USP30: variants seen among roughly 807,000 people sequenced by gnomAD.
USP30 encodes the protein ubiquitin carboxyl-terminal hydrolase 30.
USP30 carries 41 observed loss-of-function variants against 68.2 expected under a neutral mutation model. That is an observed-to-expected ratio of 0.60 (90% CI 0.47 to 0.78). The LOEUF is 0.78. Among genes scored for constraint, USP30 ranks in the 30% least tolerant of loss-of-function variants. USP30 has a pLI of 0.00. For missense variants in USP30, 522 were observed against 649.4 expected (o/e 0.80, Z 2.13); for synonymous variants, 229 against 253.7 (o/e 0.90, Z 0.93).
chr12:109,061,937 T>A (rs1038041275), intron 3 of USP30, among the ~76,000 whole-genome samples: 1 of 152,108 alleles, frequency 6.6e-6, no homozygotes, highest in Non-Finnish European at 1.5e-5. Context: ...TTTTGTTTTC[T>A]GTTTTGTTTT....
intron 3 of USP30, among the ~76,000 whole-genome samples, chr12:109,032,286 A>G (rs2040488476): frequency 6.6e-6 from 1 of 152,194 alleles, no homozygotes; most frequent in East Asian, 1.9e-4. Flanking sequence ...CCTGGGAGAT[A>G]GAATGATACT....
intron 3 of USP30, among the ~76,000 whole-genome samples, chr12:109,043,656 A>G (rs755053445): frequency 1.3e-5 from 2 of 152,228 alleles, no homozygotes; most frequent in Non-Finnish European, 2.9e-5. Context: ...CCTTTGTGAC[A>G]TTGGATTTGG....
intron 3 of USP30, chr12:109,059,882 T>TG (rs2041007954): frequency 6.6e-6 from 1 of 152,218 alleles, no homozygotes. Flanking sequence ...TGACATTCCA[T>TG]GGGTATTATA....
chr12:109,065,580 A>C (rs958100022), intron 3 of USP30, among the ~76,000 whole-genome samples: 1 of 152,158 alleles, frequency 6.6e-6, no homozygotes, highest in Non-Finnish European at 1.5e-5. Flanking sequence ...GAATTATAAC[A>C]TTTTCCATAC....
At chr12:109,047,323 C>T (rs897540885) in intron 3 of USP30, among the ~76,000 whole-genome samples, 2 of 152,140 alleles carry the variant, frequency 1.3e-5, no homozygotes, top group African/African-American at 4.8e-5. Context: ...TAAGAATGTG[C>T]TGCCAACATA....
chr12:109,057,459 T>G (rs1011481463), intron 2 of USP30, among the ~76,000 whole-genome samples: 1 of 152,210 alleles, frequency 6.6e-6, no homozygotes, highest in African/African-American at 2.4e-5. Context: ...CTGATCAGAA[T>G]TGGTATAGTG....
intron 1 of USP30, chr12:109,054,854 A>G (rs934770557): frequency 5.9e-5 from 9 of 152,226 alleles, no homozygotes; most frequent in African/African-American, 1.9e-4. Flanking sequence ...TGGAAAACAA[A>G]TATTTATCTG....
intron 7 of USP30, among the ~76,000 whole-genome samples, chr12:109,075,841 C>CTTTTTTTTT (rs34221615): frequency 2.5e-5 from 3 of 119,684 alleles, no homozygotes; most frequent in African/African-American, 9.1e-5. Flanking sequence ...GTTACTTTTT[C>CTTTTTTTTT]TTTTTTTTTT....
intron 1 of USP30, 155 bp downstream of exon 1, chr12:109,052,916 G>C: frequency 1.4e-6 from 1 of 700,582 alleles, no homozygotes; most frequent in Non-Finnish European, 2.1e-6. Context: ...GCCTGGGCCC[G>C]TAGGTGGGAG....
rs3217401 is a variant in USP30, at chr12:109,052,621, C to CCGGCGGCGGCGGCGG, written c.-54_-40dup. The CCGGCGGCGGCGGCGG allele has an allele frequency of 2.2e-5, 30 of 1,355,084 alleles. No individual in the cohort carries two copies. The highest frequency in any genetic ancestry group is 1.6e-4 in the East Asian group (5 of 31,546). The allele number at this position is 1,355,084 out of a possible 1,614,324, so 83.9% of individuals were successfully genotyped here. ...CTCGGGAACCGTCGTATCCCTCGGT[C>CCGGCGGCGGCGGCGG]CGGCGGCGGCGGCGGCGGTAGCGGA... On this transcript the variant is annotated 5_prime_UTR_variant, in exon 1 of 13. Transcript: ENST00000257548.
At chr12:109,063,395 C>A (rs191268913) in intron 3 of USP30, among the ~76,000 whole-genome samples, 70 of 152,304 alleles carry the variant, frequency 4.6e-4, no homozygotes, top group African/African-American at 1.6e-3. Flanking sequence ...GCCACCACGC[C>A]AGGCCTAGGC....
intron 7 of USP30, among the ~76,000 whole-genome samples, chr12:109,080,441 CT>C (rs1171921154): frequency 6.6e-6 from 1 of 152,180 alleles, no homozygotes; most frequent in African/African-American, 2.4e-5. Flanking sequence ...TTGTTGCAAA[CT>C]TTACAATTGT....
At chr12:109,031,279 G>A (rs1219183922) in intron 3 of USP30, among the ~76,000 whole-genome samples, 3 of 152,182 alleles carry the variant, frequency 2.0e-5, no homozygotes, top group Admixed American at 6.5e-5. Flanking sequence ...TTATGGAACA[G>A]TTTCATTCAA....
At chr12:109,036,017 G>T (rs995083030) in intron 3 of USP30, among the ~76,000 whole-genome samples, 2 of 152,100 alleles carry the variant, frequency 1.3e-5, no homozygotes, top group Admixed American at 6.6e-5. Flanking sequence ...AAAATTAGCT[G>T]GGCATGGTGG....
intron 3 of USP30, among the ~76,000 whole-genome samples, chr12:109,063,761 G>A (rs183386973): frequency 5.3e-5 from 8 of 151,852 alleles, no homozygotes; most frequent in African/African-American, 1.5e-4. Flanking sequence ...GCTTTAATTT[G>A]CATTTCCCTA....
upstream of USP30, among the ~76,000 whole-genome samples, chr12:109,047,910 C>G (rs1445347175): frequency 6.6e-6 from 1 of 152,096 alleles, no homozygotes; most frequent in South Asian, 2.1e-4. Flanking sequence ...AGTCTGCAGG[C>G]TCCCTAAGGG....
At chr12:109,026,288 C>G (rs2040444544) in intron 2 of USP30, among the ~76,000 whole-genome samples, 1 of 152,022 alleles carries the variant, frequency 6.6e-6, no homozygotes, top group African/African-American at 2.4e-5. Flanking sequence ...GTTGCCCAGG[C>G]TGGTCTCGAA....
At chr12:109,057,843 C>A in intron 2 of USP30, 83 bp from the exon 3 acceptor site, 2 of 1,445,930 alleles carry the variant, frequency 1.4e-6, no homozygotes, top group Admixed American at 2.1e-5. Context: ...AAGGCCACAG[C>A]GCAGGAACTC....
chr12:109,083,795 C>T (rs574354376), intron 11 of USP30, among the ~76,000 whole-genome samples: 7 of 152,248 alleles, frequency 4.6e-5, no homozygotes, highest in Non-Finnish European at 7.4e-5. Flanking sequence ...TGTCTCACAC[C>T]CCATACTTTC....
Sources: gnomAD v4.1 joint callset for allele counts (sites outside exome capture counted in the v4.1 genomes callset) on GRCh38, gnomAD v4.1.1 for gene constraint, MANE v1.5 for transcripts, NCBI Gene and HGNC (gene_info 2026-07-23, HGNC 2026-07-21) for gene names.